The following NKAIN3 variants were observed in gnomAD, a reference collection of about 807,000 sequenced individuals.
NKAIN3 encodes sodium/potassium transporting ATPase interacting 3, also known as sodium/potassium-transporting ATPase subunit beta-1-interacting protein 3.
Under a neutral mutation model 30.2 loss-of-function variants are expected in NKAIN3, and 25 were observed. The observed-to-expected ratio is 0.83, with a 90% CI of 0.60 to 1.16. NKAIN3 has a LOEUF of 1.16. Among genes scored for constraint, NKAIN3 ranks in the 50% most tolerant of loss-of-function variants. NKAIN3 has a pLI of 0.00. For missense variants in NKAIN3, 225 were observed against 254.1 expected (o/e 0.89, Z 0.78); for synonymous variants, 91 against 89.6 (o/e 1.02, Z -0.09).
At chr8:62,452,021 A>C (rs1175215570) in intron 1 of NKAIN3, among the ~76,000 whole-genome samples, 4 of 152,244 alleles carry the variant, frequency 2.6e-5, no homozygotes, top group Admixed American at 6.5e-5. Context: ...TCATGAACCC[A>C]GTAGAATAAT....
intron 1 of NKAIN3, among the ~76,000 whole-genome samples, chr8:62,410,859 G>C (rs1424012766): frequency 6.6e-6 from 1 of 151,952 alleles, no homozygotes; most frequent in Non-Finnish European, 1.5e-5. Flanking sequence ...CTGAAATTGA[G>C]TCAGAAAAAA....
intron 1 of NKAIN3, among the ~76,000 whole-genome samples, chr8:62,425,005 G>A (rs767788044): frequency 2.2e-4 from 33 of 151,822 alleles, no homozygotes; most frequent in Non-Finnish European, 4.6e-4. Context: ...TCAACCTTGA[G>A]GACATTATGT....
chr8:62,856,298 A>G (rs1820057317), intron 4 of NKAIN3: 12 of 930,472 alleles, frequency 1.3e-5, no homozygotes, highest in Middle Eastern at 2.1e-4. Flanking sequence ...ATAAATGCCC[A>G]GAGATCACTA....
chr8:62,994,591 T>G (rs1165963054), intron 5 of NKAIN3, among the ~76,000 whole-genome samples: 1 of 152,234 alleles, frequency 6.6e-6, no homozygotes. Flanking sequence ...TTAAATGTTA[T>G]GGTCTTTAAC....
chr8:62,729,890 A>C (rs1488578155), intron 3 of NKAIN3, among the ~76,000 whole-genome samples: 1 of 152,222 alleles, frequency 6.6e-6, no homozygotes, highest in Non-Finnish European at 1.5e-5. Flanking sequence ...GATGTGTGAC[A>C]AAGCAAGGAT....
chr8:62,483,364 CT>C, intron 1 of NKAIN3: 2 of 208,280 alleles, frequency 9.6e-6, no homozygotes, highest in South Asian at 1.0e-4. Context: ...CCCTGGCAGA[CT>C]TTTGTCCACA....
chr8:62,384,416 A>G (rs2032078869), intron 1 of NKAIN3, among the ~76,000 whole-genome samples: 1 of 152,202 alleles, frequency 6.6e-6, no homozygotes, highest in Non-Finnish European at 1.5e-5. Flanking sequence ...TTAAATTTTC[A>G]TAAAATATTC....
chr8:62,621,581 G>A (rs1811619195), intron 3 of NKAIN3, among the ~76,000 whole-genome samples: 1 of 151,870 alleles, frequency 6.6e-6, no homozygotes, highest in Non-Finnish European at 1.5e-5. Context: ...ATTTTCCTAT[G>A]TCATAAATGT....
chr8:62,255,212 T>G (rs1026084193), intron 1 of NKAIN3, among the ~76,000 whole-genome samples: 1 of 152,020 alleles, frequency 6.6e-6, no homozygotes, highest in Non-Finnish European at 1.5e-5. Flanking sequence ...CACAGAGAGA[T>G]AAAAATCACT....
chr8:62,884,480 C>G (rs945191247), intron 4 of NKAIN3, among the ~76,000 whole-genome samples: 4 of 152,126 alleles, frequency 2.6e-5, no homozygotes, highest in African/African-American at 9.7e-5. Context: ...TGGTCTCGAA[C>G]CCCCGACCTC....
chr8:62,914,961 C>CT (rs535011189), intron 4 of NKAIN3, among the ~76,000 whole-genome samples: 93 of 152,154 alleles, frequency 6.1e-4, no homozygotes, highest in African/African-American at 2.1e-3. Context: ...CCTTGCCCCC[C>CT]CACAGGCCCT....
At chr8:62,526,105 C>T (rs531880891) in intron 1 of NKAIN3, among the ~76,000 whole-genome samples, 1 of 152,030 alleles carries the variant, frequency 6.6e-6, no homozygotes, top group Admixed American at 6.6e-5. Context: ...AGACAACCTG[C>T]ACAATCAAGG....
intron 4 of NKAIN3, among the ~76,000 whole-genome samples, chr8:62,869,921 C>T (rs1041600202): frequency 3.3e-5 from 5 of 152,078 alleles, no homozygotes; most frequent in Non-Finnish European, 5.9e-5. Context: ...AGGCACTCGC[C>T]ACCACGCCCA....
chr8:62,330,245 A>G (rs1402810584), intron 1 of NKAIN3, among the ~76,000 whole-genome samples: 2 of 151,914 alleles, frequency 1.3e-5, no homozygotes, highest in African/African-American at 4.8e-5. Context: ...AGCTGGGAAC[A>G]GATGAGGAAG....
chr8:62,338,456 A>G (rs530967406), intron 1 of NKAIN3, among the ~76,000 whole-genome samples: 57 of 152,176 alleles, frequency 3.7e-4, no homozygotes, highest in Non-Finnish European at 6.6e-4. Flanking sequence ...GAAGAAAACA[A>G]GTCAACAGCC....
rs180791990 is a variant in NKAIN3, at chr8:62,974,764, T to G, written c.*9357T>G. Among the ~76,000 whole-genome samples the G allele has an allele frequency of 8.5e-5, 13 of 152,260 alleles. No homozygotes were observed. In the East Asian group the frequency reaches 1.9e-3, roughly 23 times the overall value. ...CAGTTTTCAAAGGGAGTGCTTCCAG[T>G]TTTTGCCCATTCAGTGTGATATTGG... On this transcript the variant is annotated 3_prime_UTR_variant, in exon 7 of 7. Coordinates refer to ENST00000623646, the MANE Select transcript of NKAIN3 (RefSeq NM_001304533.3).
chr8:62,640,365 C>T (rs1428149883), intron 3 of NKAIN3, among the ~76,000 whole-genome samples: 1 of 152,090 alleles, frequency 6.6e-6, no homozygotes, highest in East Asian at 1.9e-4. Context: ...TGCCCTCTCT[C>T]TCACCTGCCG....
intron 1 of NKAIN3, among the ~76,000 whole-genome samples, chr8:62,450,924 T>C (rs1805619041): frequency 6.6e-6 from 1 of 152,214 alleles, no homozygotes; most frequent in African/African-American, 2.4e-5. Flanking sequence ...CTAATCCACT[T>C]TGTAAGTGAG....
chr8:62,299,753 T>A (rs1353303805), intron 1 of NKAIN3, among the ~76,000 whole-genome samples: 1 of 152,104 alleles, frequency 6.6e-6, no homozygotes, highest in African/African-American at 2.4e-5. Flanking sequence ...AAAATAGGTA[T>A]TTATTTTAGT....
Sources: gnomAD v4.1 joint callset for allele counts (sites outside exome capture counted in the v4.1 genomes callset) on GRCh38, gnomAD v4.1.1 for gene constraint, MANE v1.5 for transcripts, NCBI Gene and HGNC (gene_info 2026-07-23, HGNC 2026-07-21) for gene names.